The following TDRD3 variants were observed in gnomAD, a reference collection of about 807,000 sequenced individuals.
TDRD3 encodes tudor domain-containing protein 3.
A neutral mutation model predicts 86.7 loss-of-function variants in TDRD3; 45 were observed. That is an observed-to-expected ratio of 0.52 (90% CI 0.41 to 0.67). The LOEUF is 0.67. TDRD3 is among the 30% of genes least tolerant of loss of function. The pLI is 0.00. For missense variants in TDRD3, 814 were observed against 889.0 expected (o/e 0.92, Z 1.07); for synonymous variants, 298 against 301.7 (o/e 0.99, Z 0.13).
At chr13:60,569,192 C>G (rs530297232) in intron 13 of TDRD3, among the ~76,000 whole-genome samples, 12 of 152,260 alleles carry the variant, frequency 7.9e-5, no homozygotes, top group Admixed American at 2.6e-4. Flanking sequence ...TGGTCTCAAA[C>G]TCCTGAGCTC....
At chr13:60,429,397 G>A (rs1031872271) in intron 1 of TDRD3, among the ~76,000 whole-genome samples, 1 of 152,106 alleles carries the variant, frequency 6.6e-6, no homozygotes, top group Non-Finnish European at 1.5e-5. Flanking sequence ...AATTTTAAAT[G>A]TAAATTGTAA....
intron 3 of TDRD3, among the ~76,000 whole-genome samples, chr13:60,450,806 G>C (rs1346109903): frequency 1.3e-5 from 2 of 152,098 alleles, no homozygotes; most frequent in South Asian, 2.1e-4. Flanking sequence ...CAATAAAGGG[G>C]CAGCTGTTTC....
intron 8 of TDRD3, among the ~76,000 whole-genome samples, chr13:60,503,210 C>A (rs1011405639): frequency 6.6e-6 from 1 of 152,150 alleles, no homozygotes; most frequent in African/African-American, 2.4e-5. Context: ...GAGTCCTGTA[C>A]CTTTTTCTCT....
chr13:60,415,308 G>A (rs888121870), intron 1 of TDRD3, among the ~76,000 whole-genome samples: 2 of 151,774 alleles, frequency 1.3e-5, no homozygotes, highest in African/African-American at 4.8e-5. Flanking sequence ...CATATCAACC[G>A]GGATCCAGTG....
At chr13:60,462,318 G>A (rs879943066) in intron 4 of TDRD3, among the ~76,000 whole-genome samples, 16 of 152,176 alleles carry the variant, frequency 1.1e-4, no homozygotes, top group East Asian at 5.8e-4. Flanking sequence ...TCAGCCCTGA[G>A]TGTCACTGCC....
At chr13:60,489,332 C>T (rs928296397) in intron 7 of TDRD3, among the ~76,000 whole-genome samples, 11 of 152,104 alleles carry the variant, frequency 7.2e-5, no homozygotes, top group African/African-American at 2.7e-4. Context: ...GAAATTGTTT[C>T]CTTTATTCAA....
chr13:60,435,214 A>C (rs1046882399), intron 1 of TDRD3, among the ~76,000 whole-genome samples: 3 of 152,162 alleles, frequency 2.0e-5, no homozygotes, highest in Non-Finnish European at 4.4e-5. Context: ...GAGTAAACCT[A>C]TAAGGCTTAA....
intron 12 of TDRD3, among the ~76,000 whole-genome samples, chr13:60,559,174 A>T (rs1398142990): frequency 1.3e-5 from 2 of 152,150 alleles, no homozygotes; most frequent in African/African-American, 4.8e-5. Flanking sequence ...AGCTCTTTTT[A>T]GGTATTTCTC....
chr13:60,546,367 T>G (rs985774725), intron 12 of TDRD3, among the ~76,000 whole-genome samples: 9 of 152,036 alleles, frequency 5.9e-5, no homozygotes, highest in African/African-American at 2.2e-4. Context: ...CATAAATAAT[T>G]AAGATGGGAA....
intron 1 of TDRD3, among the ~76,000 whole-genome samples, chr13:60,428,676 G>A (rs1436610667): frequency 1.3e-5 from 2 of 152,190 alleles, no homozygotes; most frequent in African/African-American, 2.4e-5. Flanking sequence ...GAGAACATAC[G>A]TCTTGAGACA....
At chr13:60,486,404 A>T (rs1691117578) in intron 7 of TDRD3, among the ~76,000 whole-genome samples, 1 of 152,154 alleles carries the variant, frequency 6.6e-6, no homozygotes, top group African/African-American at 2.4e-5. Flanking sequence ...TTTTGTCTTT[A>T]TACTTTATTT....
At chr13:60,551,847 G>A (rs1023160745) in intron 12 of TDRD3, among the ~76,000 whole-genome samples, 2 of 152,130 alleles carry the variant, frequency 1.3e-5, no homozygotes, top group Non-Finnish European at 2.9e-5. Flanking sequence ...GACAGTGAAT[G>A]AGGAACTGCA....
chr13:60,483,797 G>A lies in TDRD3; in HGVS notation c.518G>A (p.Ser173Asn). ...LQRSLSKHNR[S>N]NIGTEGGPPP... ...CAGAGCTTATCAAAACACAATAGAA[G>A]CAATATTGGAACTGAAGGTGGACCA... Residue 173 changes from serine to asparagine, a missense_variant, in exon 6 of 14, where the codon AGC becomes AAC. By Grantham distance (46) the Ser-to-Asn change is conservative. Coordinates refer to ENST00000377881, the MANE Select transcript of TDRD3 (RefSeq NM_001146070.2). 6.2e-7 allele frequency: 1 copy of A among 1,613,010 alleles called. No homozygotes were observed. Among genetic ancestry groups the A allele is most frequent in the Non-Finnish European group, 8.5e-7 (1 of 1,179,430 alleles).
At chr13:60,539,519 T>C (rs897912126) in intron 12 of TDRD3, among the ~76,000 whole-genome samples, 19 of 152,002 alleles carry the variant, frequency 1.2e-4, no homozygotes, top group African/African-American at 4.6e-4. Flanking sequence ...AGTTCTTATA[T>C]ATTTTATCTA....
In TDRD3 at chr13:60,409,825, C is replaced by T. The variant is rs193199788; in HGVS notation, c.41+12420C>T. Among the ~76,000 whole-genome samples the T allele has an allele frequency of 2.2e-4, 34 of 152,188 alleles. No homozygotes were observed. The East Asian group carries it at 4.4e-3, about 20-fold the overall frequency. On this transcript the variant is annotated intron_variant, in intron 1 of 13. Transcript: ENST00000377881. ...TGAGTTAAGACTTTGGTGGACTGTT[C>T]GGAAGGCATGATTGGTTTTGAAATG...
chr13:60,493,109 G>T (rs1056617955), intron 7 of TDRD3, among the ~76,000 whole-genome samples: 5 of 151,108 alleles, frequency 3.3e-5, no homozygotes, highest in Non-Finnish European at 7.4e-5. Flanking sequence ...TAGTAGAAAC[G>T]GGGTTTCACC....
intron 13 of TDRD3, among the ~76,000 whole-genome samples, chr13:60,573,178 G>GGAGCCTGCTCC (rs1366964000): frequency 2.0e-5 from 3 of 152,190 alleles, no homozygotes; most frequent in Non-Finnish European, 4.4e-5. Flanking sequence ...AGGGGGAGGT[G>GGAGCCTGCTCC]ACAGACCAAA....
At position 60,397,287 on chromosome 13, in the gene TDRD3, A is replaced by AGG. The variant is rs36124731; in HGVS notation, c.-70_-69dup. 9.4e-4 allele frequency: 536 copies of AGG among 568,804 alleles called. 1 individual carries two copies. Among genetic ancestry groups the AGG allele is most frequent in the African/African-American group, 2.5e-3 (121 of 47,798 alleles). The allele number at this position is 568,804 out of a possible 1,614,324, so 35.2% of individuals were successfully genotyped here. On this transcript the variant is annotated 5_prime_UTR_variant, in exon 1 of 14. It removes the in-frame stop codon of an upstream open reading frame in the 5' UTR. Coordinates refer to ENST00000377881, the MANE Select transcript of TDRD3 (RefSeq NM_001146070.2). ...CTTTTCTTTTCTTTTTTTTTTTTTA[A>AGG]GGGGGGGGGTCTCAAGTAGGAGGCC...
At chr13:60,500,069 C>T (rs1023207844) in intron 8 of TDRD3, among the ~76,000 whole-genome samples, 2 of 152,206 alleles carry the variant, frequency 1.3e-5, no homozygotes, top group African/African-American at 4.8e-5. Flanking sequence ...CAGCAGAAGC[C>T]TCTAGGATTT....
Sources: gnomAD v4.1 joint callset for allele counts (sites outside exome capture counted in the v4.1 genomes callset) on GRCh38, gnomAD v4.1.1 for gene constraint, MANE v1.5 for transcripts, NCBI Gene and HGNC (gene_info 2026-07-23, HGNC 2026-07-21) for gene names.